CTNND2: variants seen among roughly 807,000 people sequenced by gnomAD.
The protein encoded by CTNND2 is catenin delta 2, also known as catenin delta-2.
A neutral mutation model predicts 144.4 loss-of-function variants in CTNND2; 22 were observed. That is an observed-to-expected ratio of 0.15 (90% confidence interval 0.11 to 0.22). The LOEUF (loss-of-function observed/expected upper bound fraction) is 0.22. Among genes scored for constraint, CTNND2 ranks in the 10% least tolerant of loss-of-function variants. The probability of loss-of-function intolerance (pLI) is 1.00; values close to 1 mark genes in which losing one functional copy is unlikely to be tolerated. For synonymous variants in CTNND2, 751 were observed against 695.6 expected, an observed-to-expected ratio of 1.08 and a Z score of -1.25; for missense variants, 1,353 against 1,618.8, an observed-to-expected ratio of 0.84 and a Z score of 2.82.
intron 9 of CTNND2, among the ~76,000 whole-genome samples, chr5:11,270,255 A>AAC (rs201131155): frequency 1.3e-5 from 2 of 151,792 alleles, no homozygotes; most frequent in Non-Finnish European, 2.9e-5. Context: ...TCTAACACGT[A>AAC]ACACACACAC....
intron 12 of CTNND2, among the ~76,000 whole-genome samples, chr5:11,144,825 G>A (rs557052804): frequency 2.6e-5 from 4 of 152,260 alleles, no homozygotes; most frequent in Admixed American, 2.0e-4. Context: ...GGAAATAGAT[G>A]TGTGTAGGAT....
chr5:11,157,363 C>G (rs780088810), intron 12 of CTNND2, among the ~76,000 whole-genome samples: 1 of 152,186 alleles, frequency 6.6e-6, no homozygotes, highest in South Asian at 2.1e-4. Flanking sequence ...ACTCTTCAAG[C>G]CTTTTTTGGC....
chr5:11,215,232 G>T (rs1222292028), intron 10 of CTNND2, among the ~76,000 whole-genome samples: 1 of 152,226 alleles, frequency 6.6e-6, no homozygotes. Flanking sequence ...TGCCTAAGAA[G>T]ATATCTCGGA....
chr5:11,431,877 A>G (rs1026688217), intron 3 of CTNND2, among the ~76,000 whole-genome samples: 8 of 152,150 alleles, frequency 5.3e-5, no homozygotes, highest in African/African-American at 1.9e-4. Flanking sequence ...AGATAACCAC[A>G]ATAACACGCA....
At chr5:11,720,379 G>T (rs1786601612) in intron 2 of CTNND2, among the ~76,000 whole-genome samples, 1 of 152,146 alleles carries the variant, frequency 6.6e-6, no homozygotes, top group Non-Finnish European at 1.5e-5. Flanking sequence ...CCTCAAGTTT[G>T]TAACTGAGAT....
chr5:11,328,077 C>T (rs1424128695), intron 9 of CTNND2, among the ~76,000 whole-genome samples: 4 of 152,136 alleles, frequency 2.6e-5, no homozygotes, highest in African/African-American at 9.7e-5. Context: ...ATTTCATTCC[C>T]ATAAGTGAGT....
At chr5:11,805,563 A>G (rs1791946079) in intron 1 of CTNND2, among the ~76,000 whole-genome samples, 2 of 149,886 alleles carry the variant, frequency 1.3e-5, no homozygotes, top group South Asian at 4.2e-4. Flanking sequence ...AATGAATGGA[A>G]TATGTCAAAG....
chr5:11,880,959 CACT>C lies in CTNND2; in HGVS notation c.37+22855_37+22857del, dbSNP rs1385725295. ...CTGCTACTAATACTACTACTACTAC[CACT>C]ACTACTACTACCACTACCACTACTA... On this transcript the variant is annotated intron_variant, in intron 1 of 21. Coordinates refer to ENST00000304623, the MANE Select transcript of CTNND2 (RefSeq NM_001332.4). Among the ~76,000 whole-genome samples the C allele has an allele frequency of 3.5e-4, 50 of 143,302 alleles. 1 individual carries two copies. The highest frequency in any genetic ancestry group is 6.6e-4 in the South Asian group (3 of 4,550). 94.0% of individuals were successfully genotyped at this position (143,302 alleles called of 152,430 possible). A position where few individuals can be genotyped will look rare whatever the true frequency, so the allele number is the denominator to read the frequency against.
chr5:11,189,031 G>A (rs540986458), intron 11 of CTNND2, among the ~76,000 whole-genome samples: 63 of 152,138 alleles, frequency 4.1e-4, no homozygotes, highest in Non-Finnish European at 6.8e-4. Context: ...CGACACAAGC[G>A]TTAGGAGGGC....
intron 3 of CTNND2, among the ~76,000 whole-genome samples, chr5:11,559,094 C>A (rs1295666541): frequency 7.9e-5 from 12 of 152,104 alleles, no homozygotes; most frequent in Non-Finnish European, 4.4e-5. Context: ...CCTATATTTT[C>A]ATATATCATT....
chr5:11,414,829 T>A (rs1407888925), intron 3 of CTNND2, among the ~76,000 whole-genome samples: 1 of 152,196 alleles, frequency 6.6e-6, no homozygotes, highest in African/African-American at 2.4e-5. Context: ...TAGCTCCCAC[T>A]TGTAAGTGAG....
At chr5:11,069,151 G>T (rs1747952370) in intron 16 of CTNND2, among the ~76,000 whole-genome samples, 1 of 152,200 alleles carries the variant, frequency 6.6e-6, no homozygotes, top group Admixed American at 6.5e-5. Context: ...GAAAGGTATT[G>T]TTCTTATTCC....
intron 3 of CTNND2, among the ~76,000 whole-genome samples, chr5:11,444,976 T>C (rs1267402399): frequency 1.3e-5 from 2 of 152,114 alleles, no homozygotes; most frequent in African/African-American, 4.8e-5. Context: ...GGCTTGCTTG[T>C]CCTGAAAGCC....
At chr5:11,040,214 C>G (rs1309503451) in intron 16 of CTNND2, among the ~76,000 whole-genome samples, 2 of 152,138 alleles carry the variant, frequency 1.3e-5, no homozygotes, top group African/African-American at 2.4e-5. Flanking sequence ...CCATTGCACT[C>G]TAGCCTGGGT....
chr5:11,228,376 A>C (rs973813035), intron 10 of CTNND2, among the ~76,000 whole-genome samples: 8 of 150,556 alleles, frequency 5.3e-5, no homozygotes, highest in Admixed American at 1.3e-4. Context: ...AAAAAAAAAA[A>C]AAACAAAGAA....
At chr5:11,019,820 A>G (rs1447980700) in intron 17 of CTNND2, among the ~76,000 whole-genome samples, 1 of 152,266 alleles carries the variant, frequency 6.6e-6, no homozygotes, top group Non-Finnish European at 1.5e-5. Context: ...GACAAAATAT[A>G]GTGACACATT....
chr5:11,692,376 A>C (rs913523246), intron 2 of CTNND2, among the ~76,000 whole-genome samples: 1 of 152,228 alleles, frequency 6.6e-6, no homozygotes, highest in Non-Finnish European at 1.5e-5. Context: ...AGCTTGTGAA[A>C]ACACAAGTGG....
At chr5:11,673,031 C>A (rs1393871267) in intron 2 of CTNND2, among the ~76,000 whole-genome samples, 1 of 152,160 alleles carries the variant, frequency 6.6e-6, no homozygotes, top group Non-Finnish European at 1.5e-5. Context: ...GAGCTGCAGA[C>A]CGGAGCTGAT....
At chr5:11,307,216 C>T (rs555516374) in intron 9 of CTNND2, among the ~76,000 whole-genome samples, 6 of 152,196 alleles carry the variant, frequency 3.9e-5, no homozygotes, top group African/African-American at 1.4e-4. Flanking sequence ...TGTTTCCATC[C>T]CTTCTTTCTC....
Sources: gnomAD v4.1 joint callset for allele counts (sites outside exome capture counted in the v4.1 genomes callset) on GRCh38, gnomAD v4.1.1 for gene constraint, MANE v1.5 for transcripts, NCBI Gene and HGNC (gene_info 2026-07-23, HGNC 2026-07-21) for gene names.